The following BRINP1 variants were observed in gnomAD, a reference collection of about 807,000 sequenced individuals.
The protein encoded by BRINP1 is BMP/retinoic acid-inducible neural-specific protein 1.
BRINP1 carries 17 observed loss-of-function variants against 72.9 expected under a neutral mutation model. That is an observed-to-expected ratio of 0.23 (90% confidence interval 0.16 to 0.35). The LOEUF (loss-of-function observed/expected upper bound fraction) is 0.35, where lower values mean the gene tolerates loss of function less well. BRINP1 is among the 10% of genes least tolerant of loss of function. BRINP1 has a pLI of 1.00. For synonymous variants in BRINP1, 418 were observed against 378.5 expected, an observed-to-expected ratio of 1.10 and a Z score of -1.21; for missense variants, 850 against 1,001.6, an observed-to-expected ratio of 0.85 and a Z score of 2.04.
At chr9:119,198,453 G>A (rs1829768855) in intron 7 of BRINP1, among the ~76,000 whole-genome samples, 1 of 152,122 alleles carries the variant, frequency 6.6e-6, no homozygotes, top group South Asian at 2.1e-4. Context: ...AATAGTAAAT[G>A]ACAGTCACAC....
intron 1 of BRINP1, among the ~76,000 whole-genome samples, chr9:119,357,238 T>A (rs1157506719): frequency 6.6e-6 from 1 of 152,194 alleles, no homozygotes; most frequent in Non-Finnish European, 1.5e-5. Flanking sequence ...TCTTTATACA[T>A]GCACGTGTGC....
intron 7 of BRINP1, among the ~76,000 whole-genome samples, chr9:119,171,288 T>C (rs1371210739): frequency 1.4e-5 from 2 of 141,520 alleles, no homozygotes; most frequent in African/African-American, 2.7e-5. Context: ...TGGAGGAAGA[T>C]CTACCAAGCA....
rs370002801 is a variant in BRINP1, at chr9:119,202,426, C to T, written c.1145+6293G>A. 8.5e-5 allele frequency among the ~76,000 whole-genome samples: 13 copies of T among 152,270 alleles called. 1 individual carries two copies. Among genetic ancestry groups the T allele is most frequent in the African/African-American group, 3.1e-4 (13 of 41,564 alleles). ...CAGAGTTCACAAATTTATACACTAC[C>T]CCTGGTGAGCCCCACAGTGACCCTC... On this transcript the variant is annotated intron_variant, in intron 7 of 7. Coordinates refer to ENST00000265922, the MANE Select transcript of BRINP1 (RefSeq NM_014618.3).
intron 5 of BRINP1, among the ~76,000 whole-genome samples, chr9:119,217,665 A>T (rs1051226712): frequency 2.0e-5 from 3 of 152,042 alleles, no homozygotes; most frequent in Non-Finnish European, 4.4e-5. Flanking sequence ...TTTTCCTTTC[A>T]ATTCACCTTC....
chr9:119,297,682 C>G (rs1830894483), intron 2 of BRINP1, among the ~76,000 whole-genome samples: 1 of 152,108 alleles, frequency 6.6e-6, no homozygotes, highest in South Asian at 2.1e-4. Flanking sequence ...TAACAGGATT[C>G]TATTTTGGAC....
rs559033200 is a variant in BRINP1 at position 119,283,197 on chromosome 9, G to A, written c.218+29941C>T. 3.7e-5 allele frequency: 36 copies of A among 984,000 alleles called. 1 individual carries two copies. In the South Asian group the frequency reaches 1.6e-3, roughly 44 times the overall value. 61.0% of individuals were successfully genotyped at this position (984,000 alleles called of 1,614,324 possible). A position where few individuals can be genotyped will look rare whatever the true frequency, so the allele number is the denominator to read the frequency against. ...CTTGAGTGTTTCTTTAGAATGAAGG[G>A]GTGGAAACAAACAGTAGTCCTCATC... On this transcript the variant is annotated intron_variant, in intron 2 of 7. Coordinates refer to ENST00000265922, the MANE Select transcript of BRINP1 (RefSeq NM_014618.3).
intron 6 of BRINP1, among the ~76,000 whole-genome samples, chr9:119,212,883 C>T (rs753691624): frequency 6.6e-5 from 10 of 152,170 alleles, no homozygotes; most frequent in East Asian, 1.9e-4. Flanking sequence ...GTCTAACATG[C>T]CTATCTAAAG....
At chr9:119,252,533 G>A (rs1269451916) in intron 2 of BRINP1, among the ~76,000 whole-genome samples, 3 of 150,498 alleles carry the variant, frequency 2.0e-5, no homozygotes, top group African/African-American at 7.3e-5. Context: ...TCAGTATATA[G>A]AAAAATATAT....
intron 1 of BRINP1, among the ~76,000 whole-genome samples, chr9:119,314,352 A>G (rs60633371): frequency 0.02 from 3,056 of 152,204 alleles, 111 homozygotes; most frequent in African/African-American, 0.069. Context: ...TGTAAACACA[A>G]TTTACACTTT....
At chr9:119,320,015 G>C (rs771548259) in intron 1 of BRINP1, among the ~76,000 whole-genome samples, 25 of 152,346 alleles carry the variant, frequency 1.6e-4, no homozygotes, top group Middle Eastern at 3.4e-3. Flanking sequence ...GGATGCCAGA[G>C]AGACTGTTTT....
chr9:119,268,628 G>A (rs754953721), intron 2 of BRINP1, among the ~76,000 whole-genome samples: 2 of 152,162 alleles, frequency 1.3e-5, no homozygotes, highest in Non-Finnish European at 2.9e-5. Context: ...TCGTGTCACT[G>A]CCTAGATTTA....
intron 2 of BRINP1, among the ~76,000 whole-genome samples, chr9:119,268,783 G>T (rs1376512348): frequency 6.6e-6 from 1 of 152,054 alleles, no homozygotes; most frequent in Non-Finnish European, 1.5e-5. Flanking sequence ...TATTAACTGT[G>T]CCCAGCACTT....
In BRINP1 at chr9:119,242,060, G is replaced by C. The variant is rs1272753183; in HGVS notation, c.566C>G (p.Thr189Ser). Residue 189 changes from threonine to serine, a missense_variant, in exon 4 of 8, where the codon ACT becomes AGT. By Grantham distance (58) the Thr-to-Ser change is moderately conservative (BLOSUM62 1). Coordinates refer to ENST00000265922, the MANE Select transcript of BRINP1 (RefSeq NM_014618.3). ...MRRLHEIQIS[T>S]GAIKVTETRT... ...CCGGAGCTGTACCTTGATTGCTCCA[G>C]TTGATATCTGGATCTCATGAAGCCT... 3 of 1,613,800 alleles carry C rather than the reference G, an allele frequency of 1.9e-6. No homozygotes were observed. The highest frequency in any genetic ancestry group is 3.3e-5 in the Admixed American group (2 of 60,010).
intron 1 of BRINP1, among the ~76,000 whole-genome samples, chr9:119,359,935 C>G (rs936456282): frequency 1.3e-5 from 2 of 152,192 alleles, no homozygotes; most frequent in African/African-American, 4.8e-5. Context: ...GGATGAAGAT[C>G]CTTCCAGAGC....
Position 119,313,311 on chromosome 9 carries a change from C to G in BRINP1, c.45G>C (p.Trp15Cys). Residue 15 changes from tryptophan (W) to cysteine (C), a missense_variant, in exon 2 of 8, where the codon TGG becomes TGC. By Grantham distance (215) the Trp-to-Cys change is radical. Coordinates refer to ENST00000265922, the MANE Select transcript of BRINP1 (RefSeq NM_014618.3). ...FVELLYFLFI[W>C]GRISVQPSHQ... ...GGGAGGGCTGCACTGAGATACGGCCCCATATAAACAGGAAGTAGAGGAGCT... is the reference window on the plus strand; with the variant it reads ...GGGAGGGCTGCACTGAGATACGGCCGCATATAAACAGGAAGTAGAGGAGCT... The G allele has an allele frequency of 6.2e-7, 1 of 1,613,990 alleles. No homozygotes were observed. The highest frequency in any genetic ancestry group is 8.5e-7 in the Non-Finnish European group (1 of 1,180,006).
At chr9:119,199,370 T>G in intron 7 of BRINP1, among the ~76,000 whole-genome samples, 1 of 152,130 alleles carries the variant, frequency 6.6e-6, no homozygotes, top group East Asian at 1.9e-4. Context: ...GCCAGAGTCT[T>G]TCTATAGACA....
chr9:119,289,311 C>A (rs955987224), intron 2 of BRINP1, among the ~76,000 whole-genome samples: 3 of 152,150 alleles, frequency 2.0e-5, no homozygotes, highest in Non-Finnish European at 2.9e-5. Context: ...GAATACTAAG[C>A]TAGAGGATTG....
intron 2 of BRINP1, among the ~76,000 whole-genome samples, chr9:119,303,551 T>C (rs148240518): frequency 2.0e-5 from 3 of 152,304 alleles, no homozygotes; most frequent in East Asian, 1.9e-4. Flanking sequence ...CATGAATCAA[T>C]GTATGCTGAT....
At chr9:119,214,931 T>C (rs554959017) in intron 5 of BRINP1, among the ~76,000 whole-genome samples, 4 of 152,106 alleles carry the variant, frequency 2.6e-5, no homozygotes, top group Admixed American at 6.5e-5. Context: ...CTGTAGAAAA[T>C]AGCTGTAGAG....
Sources: allele counts gnomAD v4.1 joint callset (sites outside exome capture counted in the v4.1 genomes callset), GRCh38; gene constraint gnomAD v4.1.1; transcripts MANE v1.5; gene names NCBI Gene and HGNC (gene_info 2026-07-23, HGNC 2026-07-21).